The following SGCZ variants were observed in gnomAD, a reference collection of about 807,000 sequenced individuals.
SGCZ encodes the protein sarcoglycan zeta.
SGCZ carries 40 observed loss-of-function variants against 41.3 expected under a neutral mutation model. The ratio of observed to expected loss-of-function variants is 0.97; its 90% CI spans 0.75 to 1.26. The LOEUF (loss-of-function observed/expected upper bound fraction) is 1.26, where lower values mean the gene tolerates loss of function less well. Among genes scored for constraint, SGCZ ranks in the 50% most tolerant of loss-of-function variants. The pLI is 0.00. For missense variants in SGCZ, 552 were observed against 369.8 expected (o/e 1.49, Z -4.04); for synonymous variants, 206 against 137.5 (o/e 1.50, Z -3.49).
intron 3 of SGCZ, among the ~76,000 whole-genome samples, chr8:14,253,268 G>C (rs1340003833): frequency 6.6e-6 from 1 of 151,712 alleles, no homozygotes; most frequent in African/African-American, 2.4e-5. Flanking sequence ...GTGTGTGTGT[G>C]TGTGTATCAG....
chr8:14,606,356 G>A (rs1037380475), intron 1 of SGCZ, among the ~76,000 whole-genome samples: 1 of 152,058 alleles, frequency 6.6e-6, no homozygotes, highest in Non-Finnish European at 1.5e-5. Flanking sequence ...AATACCACAA[G>A]TTCTAGCCAC....
chr8:14,516,111 C>CTG (rs1554530538), intron 2 of SGCZ, among the ~76,000 whole-genome samples: 1 of 148,308 alleles, frequency 6.7e-6, no homozygotes, highest in African/African-American at 2.5e-5. Flanking sequence ...TGAAACTTCT[C>CTG]TTTTTTTTTC....
At chr8:14,109,430 A>G (rs1251686395) in intron 5 of SGCZ, among the ~76,000 whole-genome samples, 1 of 152,170 alleles carries the variant, frequency 6.6e-6, no homozygotes, top group Non-Finnish European at 1.5e-5. Flanking sequence ...AAATGTCTTT[A>G]TCACCCTCAA....
At chr8:15,212,422 T>C (rs966571169) in intron 1 of SGCZ, among the ~76,000 whole-genome samples, 1 of 152,132 alleles carries the variant, frequency 6.6e-6, no homozygotes, top group Non-Finnish European at 1.5e-5. Flanking sequence ...TAGATTCTTA[T>C]GTTATTCGTT....
In SGCZ at chr8:14,126,988, G is replaced by C. The variant is rs186299288; in HGVS notation, c.548-18753C>G. On this transcript the variant is annotated intron_variant, in intron 5 of 7. Transcript: ENST00000382080. ...CACTGGGGCCATCTGGGGGGTCAGG[G>C]GGAGGGAGAGCATCAGGACAAATAC... is the stretch of plus-strand genomic sequence containing the variant. 2.0e-5 allele frequency among the ~76,000 whole-genome samples: 3 copies of C among 152,080 alleles called. No individual in the cohort carries two copies. In the East Asian group the frequency reaches 5.8e-4, roughly 29 times the overall value.
intron 1 of SGCZ, among the ~76,000 whole-genome samples, chr8:15,195,832 C>A (rs1215163583): frequency 6.6e-6 from 1 of 151,460 alleles, no homozygotes; most frequent in African/African-American, 2.4e-5. Context: ...AGACTTAACA[C>A]AAGCTAATAG....
chr8:15,133,739 GATA>G (rs1412053743), intron 1 of SGCZ, among the ~76,000 whole-genome samples: 1 of 152,134 alleles, frequency 6.6e-6, no homozygotes, highest in Non-Finnish European at 1.5e-5. Flanking sequence ...AACAAACGAA[GATA>G]ATAAGAGTAG....
intron 1 of SGCZ, among the ~76,000 whole-genome samples, chr8:15,024,708 G>A (rs950645626): frequency 1.2e-4 from 18 of 151,968 alleles, no homozygotes; most frequent in Admixed American, 1.3e-4. Context: ...AGGCCGAGGC[G>A]GGCAGATCAT....
At chr8:14,992,043 T>C (rs1802031641) in intron 1 of SGCZ, among the ~76,000 whole-genome samples, 1 of 148,980 alleles carries the variant, frequency 6.7e-6, no homozygotes, top group Non-Finnish European at 1.5e-5. Flanking sequence ...CCAAATCTAC[T>C]CCCAAAACCA....
At chr8:14,677,717 G>A (rs1808319844) in intron 1 of SGCZ, among the ~76,000 whole-genome samples, 1 of 152,136 alleles carries the variant, frequency 6.6e-6, no homozygotes, top group Non-Finnish European at 1.5e-5. Context: ...GTTGCAGTGA[G>A]CCAAGATCGC....
intron 1 of SGCZ, among the ~76,000 whole-genome samples, chr8:14,805,665 G>C (rs1362953144): frequency 6.6e-5 from 10 of 151,144 alleles, no homozygotes; most frequent in East Asian, 3.9e-4. Context: ...ACATTAGACA[G>C]ATCAACGAGA....
intron 1 of SGCZ, among the ~76,000 whole-genome samples, chr8:15,220,242 T>C (rs1473597627): frequency 2.0e-5 from 3 of 152,222 alleles, no homozygotes; most frequent in African/African-American, 7.2e-5. Flanking sequence ...AAGTCAGTTT[T>C]GTAGCTCTCT....
At chr8:14,245,416 C>A (rs892860344) in intron 3 of SGCZ, among the ~76,000 whole-genome samples, 2 of 152,174 alleles carry the variant, frequency 1.3e-5, no homozygotes, top group Non-Finnish European at 2.9e-5. Flanking sequence ...AACTGCATCC[C>A]TTCCTTACAC....
At chr8:15,144,294 T>C (rs564888801) in intron 1 of SGCZ, among the ~76,000 whole-genome samples, 11 of 152,220 alleles carry the variant, frequency 7.2e-5, no homozygotes, top group Admixed American at 3.3e-4. Context: ...ATCTTTGTTA[T>C]ATGCTACACA....
chr8:14,585,035 C>T (rs901655047), intron 1 of SGCZ, among the ~76,000 whole-genome samples: 75 of 152,226 alleles, frequency 4.9e-4, no homozygotes, highest in African/African-American at 1.6e-3. Context: ...ACTCATTCAA[C>T]TTACAGGATG....
At chr8:14,224,952 T>A (rs991297464) in intron 4 of SGCZ, among the ~76,000 whole-genome samples, 1 of 152,314 alleles carries the variant, frequency 6.6e-6, no homozygotes, top group Admixed American at 6.5e-5. Flanking sequence ...ATATTTGGTG[T>A]TCATCATTTT....
intron 1 of SGCZ, among the ~76,000 whole-genome samples, chr8:14,919,733 C>A (rs894130130): frequency 1.3e-5 from 2 of 152,076 alleles, no homozygotes; most frequent in African/African-American, 4.8e-5. Context: ...AACTGGCCAA[C>A]ATGGTGAAAC....
intron 1 of SGCZ, among the ~76,000 whole-genome samples, chr8:14,747,312 C>T (rs1375434924): frequency 3.3e-5 from 5 of 152,050 alleles, no homozygotes; most frequent in African/African-American, 4.8e-5. Context: ...TACATCTAGC[C>T]GCCCTCAACA....
chr8:14,662,301 G>A (rs980047966), intron 1 of SGCZ, among the ~76,000 whole-genome samples: 1 of 152,102 alleles, frequency 6.6e-6, no homozygotes, highest in Admixed American at 6.6e-5. Context: ...TCCAATTTTT[G>A]ATTTGTCTGT....
Sources: gnomAD v4.1 joint callset for allele counts (sites outside exome capture counted in the v4.1 genomes callset) on GRCh38, gnomAD v4.1.1 for gene constraint, MANE v1.5 for transcripts, NCBI Gene and HGNC (gene_info 2026-07-23, HGNC 2026-07-21) for gene names.